CPA6: variants seen among roughly 807,000 people sequenced by gnomAD.
CPA6 encodes carboxypeptidase B.
A neutral mutation model predicts 63.3 loss-of-function variants in CPA6; 58 were observed. The ratio of observed to expected loss-of-function variants is 0.92; its 90% CI spans 0.74 to 1.14. CPA6 has a LOEUF of 1.14. Ranked by LOEUF, CPA6 falls within the 50% of genes most tolerant of loss-of-function variation. The probability of loss-of-function intolerance (pLI) is 0.00; values close to 1 mark genes in which losing one functional copy is unlikely to be tolerated. For missense variants in CPA6, 565 were observed against 526.6 expected, an observed-to-expected ratio of 1.07 and a Z score of -0.71; for synonymous variants, 185 against 179.0, an observed-to-expected ratio of 1.03 and a Z score of -0.27.
chr8:67,565,166 C>CTTTT (rs374295217), intron 2 of CPA6, among the ~76,000 whole-genome samples: 1 of 115,736 alleles, frequency 8.6e-6, no homozygotes, highest in Non-Finnish European at 2.1e-5. Context: ...TTTTCTTTTT[C>CTTTT]TTTCTTTTTT....
intron 6 of CPA6, among the ~76,000 whole-genome samples, chr8:67,496,542 TATATATATA>T (rs1563976159): frequency 3.1e-4 from 44 of 139,766 alleles, no homozygotes; most frequent in African/African-American, 1.1e-3. Flanking sequence ...TATATATATA[TATATATATA>T]TATATATTTA....
At chr8:67,469,373 A>G (rs1811005358) in intron 8 of CPA6, among the ~76,000 whole-genome samples, 1 of 152,172 alleles carries the variant, frequency 6.6e-6, no homozygotes, top group Admixed American at 6.5e-5. Context: ...TGGGAAGCTG[A>G]AGCAGGGAGA....
chr8:67,648,789 A>G (rs1308231602), intron 1 of CPA6, among the ~76,000 whole-genome samples: 3 of 152,218 alleles, frequency 2.0e-5, no homozygotes, highest in Admixed American at 6.5e-5. Context: ...CCAGATTTGT[A>G]AACTAGCCTT....
At chr8:67,511,790 G>A in intron 3 of CPA6, 135 bp from the exon 4 acceptor site, 1 of 616,006 alleles carries the variant, frequency 1.6e-6, no homozygotes, top group Non-Finnish European at 2.9e-6. Flanking sequence ...ACCAAATGTT[G>A]GGAAAATGTT....
Position 67,490,049 on chromosome 8 carries a change from A to G in CPA6, c.637-5260T>C, listed in dbSNP as rs369395278. ...TTGTAACTTTCTAAGAATTTCAGCT[A>G]TTCTCCATCTGGTCACACAAAGCAA... On this transcript the variant is annotated intron_variant, in intron 6 of 10. Coordinates refer to ENST00000297770, the MANE Select transcript of CPA6 (RefSeq NM_020361.5). 1.3e-4 allele frequency among the ~76,000 whole-genome samples: 20 copies of G among 152,244 alleles called. 1 individual carries two copies. The East Asian group carries it at 3.1e-3, about 24-fold the overall frequency.
chr8:67,658,107 C>G (rs1016069302), intron 1 of CPA6, among the ~76,000 whole-genome samples: 5 of 152,302 alleles, frequency 3.3e-5, no homozygotes, highest in Admixed American at 3.3e-4. Context: ...ACAGCGAATA[C>G]TCTTCCCTAC....
chr8:67,546,848 CAG>C (rs1472326439), intron 2 of CPA6, among the ~76,000 whole-genome samples: 2 of 151,918 alleles, frequency 1.3e-5, no homozygotes, highest in Non-Finnish European at 2.9e-5. Context: ...TTTTCTGAGA[CAG>C]AGTCTTGCTC....
intron 2 of CPA6, among the ~76,000 whole-genome samples, chr8:67,561,761 T>C (rs575113547): frequency 1.3e-5 from 2 of 152,180 alleles, no homozygotes; most frequent in Non-Finnish European, 2.9e-5. Flanking sequence ...GAGAATGTCC[T>C]TGTTTAAAGG....
chr8:67,588,480 G>A (rs1814009322), intron 2 of CPA6, among the ~76,000 whole-genome samples: 3 of 152,048 alleles, frequency 2.0e-5, no homozygotes, highest in Admixed American at 2.0e-4. Flanking sequence ...CAATAGAGAA[G>A]GAAGGAGGCA....
chr8:67,521,131 C>A (rs139199354), intron 2 of CPA6, among the ~76,000 whole-genome samples: 220 of 152,356 alleles, frequency 1.4e-3, no homozygotes, highest in South Asian at 7.3e-3. Context: ...AGGCTGTTTG[C>A]CAACCATTCC....
chr8:67,595,494 T>C (rs1011661943), intron 2 of CPA6, among the ~76,000 whole-genome samples: 1 of 152,210 alleles, frequency 6.6e-6, no homozygotes, highest in Non-Finnish European at 1.5e-5. Context: ...AGGTGGAGAC[T>C]ACAGAGGCAG....
At chr8:67,608,998 T>A (rs1314656310) in intron 2 of CPA6, among the ~76,000 whole-genome samples, 6 of 152,220 alleles carry the variant, frequency 3.9e-5, no homozygotes, top group Non-Finnish European at 8.8e-5. Context: ...TTGAAGAAGC[T>A]CTGAAAGCCC....
chr8:67,558,501 T>A (rs1287499581), intron 2 of CPA6, among the ~76,000 whole-genome samples: 1 of 152,242 alleles, frequency 6.6e-6, no homozygotes, highest in African/African-American at 2.4e-5. Context: ...AAAGTCAATG[T>A]AAATTTATTA....
Position 67,422,614 on chromosome 8 carries a change from T to G in CPA6, c.1204A>C (p.Thr402Pro). 1 of 1,613,994 alleles carries G rather than the reference T, an allele frequency of 6.2e-7. No homozygotes were observed. The highest frequency in any genetic ancestry group is 8.5e-7 in the Non-Finnish European group (1 of 1,179,954). The part of the protein sequence containing the change: ...PYAFAFELRD[T>P]GYFGFLLPEM... ...GGGAGTAAAAATCCAAAATATCCAG[T>G]GTCACGTAGTTCGAAAGCAAATGCA... Residue 402 changes from threonine to proline, a missense_variant, in exon 11 of 11, where the codon ACT becomes CCT. Thr to Pro is a conservative substitution (Grantham distance 38, BLOSUM62 -1). Coordinates refer to ENST00000297770, the MANE Select transcript of CPA6 (RefSeq NM_020361.5).
intron 2 of CPA6, among the ~76,000 whole-genome samples, chr8:67,562,866 CTT>C (rs1191691795): frequency 6.6e-6 from 1 of 152,186 alleles, no homozygotes; most frequent in African/African-American, 2.4e-5. Flanking sequence ...GCCACCTACT[CTT>C]TGGTATTTTT....
At chr8:67,723,237 A>G (rs1296182452) in intron 1 of CPA6, among the ~76,000 whole-genome samples, 1 of 152,160 alleles carries the variant, frequency 6.6e-6, no homozygotes, top group Non-Finnish European at 1.5e-5. Flanking sequence ...ATTTTAACAC[A>G]CATGCTAATT....
At chr8:67,674,314 C>T (rs77405956) in intron 1 of CPA6, among the ~76,000 whole-genome samples, 1,614 of 152,264 alleles carry the variant, frequency 0.011, 15 homozygotes, top group Middle Eastern at 0.031. Context: ...AGTTATGTTA[C>T]GACTCCAAGA....
chr8:67,514,713 T>G (rs560023783), intron 3 of CPA6, among the ~76,000 whole-genome samples: 1 of 152,250 alleles, frequency 6.6e-6, no homozygotes, highest in Non-Finnish European at 1.5e-5. Context: ...AATAGAGACT[T>G]GTTAAACTAA....
rs1486244893 is a variant in CPA6 at position 67,624,236 on chromosome 8, T to G, written c.132A>C (p.Arg44Ser). ...CTTCCTCTTCTGTTTTGGGAATAAA[T>G]CTTATCACTTTATCACTACAAGATA... ...NNRYAGDKVI[R>S]FIPKTEEEAY... is the part of the protein sequence containing the mutation. The change falls in exon 2 of 11, where the codon AGA becomes AGC. Residue 44 changes from arginine (R) to serine (S), a missense_variant. Transcript: ENST00000297770. 1.3e-6 allele frequency: 2 copies of G among 1,506,722 alleles called. No individual in the cohort carries two copies. Among genetic ancestry groups the G allele is most frequent in the East Asian group, 4.5e-5 (2 of 44,276 alleles). The allele number at this position is 1,506,722 out of a possible 1,614,324, so 93.3% of individuals were successfully genotyped here.
Sources: gnomAD v4.1 joint callset for allele counts (sites outside exome capture counted in the v4.1 genomes callset) on GRCh38, gnomAD v4.1.1 for gene constraint, MANE v1.5 for transcripts, NCBI Gene and HGNC (gene_info 2026-07-23, HGNC 2026-07-21) for gene names.